The following SCNN1B variants were observed in gnomAD, a reference collection of about 807,000 sequenced individuals.
The protein encoded by SCNN1B is sodium channel epithelial 1 subunit beta, also known as epithelial sodium channel subunit beta.
A neutral mutation model predicts 65.3 loss-of-function variants in SCNN1B; 46 were observed. That is an observed-to-expected ratio of 0.70 (90% CI 0.56 to 0.90). The LOEUF is 0.90. SCNN1B is among the 40% of genes least tolerant of loss of function. The probability of loss-of-function intolerance (pLI) is 0.00; values close to 1 mark genes in which losing one functional copy is unlikely to be tolerated. For missense variants in SCNN1B, 751 were observed against 830.5 expected (o/e 0.90, Z 1.18); for synonymous variants, 349 against 330.6 (o/e 1.06, Z -0.60).
At chr16:23,324,225 T>C (rs1394901573) in intron 1 of SCNN1B, among the ~76,000 whole-genome samples, 1 of 151,448 alleles carries the variant, frequency 6.6e-6, no homozygotes, top group South Asian at 2.1e-4. Context: ...TCTTGCTCTG[T>C]TGTCCAGGGT....
chr16:23,343,445 T>G, intron 1 of SCNN1B, among the ~76,000 whole-genome samples: 1 of 119,152 alleles, frequency 8.4e-6, no homozygotes, highest in African/African-American at 4.1e-5. Context: ...AGAGCAAAAG[T>G]TTGCCAAAAA....
chr16:23,333,991 G>A (rs985389719), intron 1 of SCNN1B, among the ~76,000 whole-genome samples: 10 of 152,006 alleles, frequency 6.6e-5, no homozygotes, highest in African/African-American at 1.9e-4. Context: ...GGTCCTTAAC[G>A]CCCAGATGTG....
chr16:23,287,476 C>T (rs1960866498), intron 2 of SCNN1B, among the ~76,000 whole-genome samples: 1 of 151,952 alleles, frequency 6.6e-6, no homozygotes, highest in African/African-American at 2.4e-5. Flanking sequence ...CTTTGGGAGG[C>T]TGAGGTGGGG....
At position 23,365,796 on chromosome 16, in the gene SCNN1B, C is replaced by T. The variant is rs1243110125; in HGVS notation, c.777-2060C>T. On this transcript the variant is annotated intron_variant, in intron 4 of 12. Coordinates refer to ENST00000343070, the MANE Select transcript of SCNN1B (RefSeq NM_000336.3). ...GGAAAAATGTGGTTTCTTCCTGCTT[C>T]CCCTTGCACCGTTGAGGAAACCCAA... is the stretch of plus-strand genomic sequence containing the variant. 5.9e-5 allele frequency among the ~76,000 whole-genome samples: 9 copies of T among 152,190 alleles called. No homozygotes were observed. The South Asian group carries it at 1.2e-3, about 21-fold the overall frequency.
intron 1 of SCNN1B, among the ~76,000 whole-genome samples, chr16:23,316,319 A>G (rs931203892): frequency 1.3e-5 from 2 of 149,770 alleles, no homozygotes; most frequent in Non-Finnish European, 1.5e-5. Context: ...CATCATCACC[A>G]TCATGATCAC....
chr16:23,321,623 C>T (rs1961589264), intron 1 of SCNN1B, among the ~76,000 whole-genome samples: 1 of 152,126 alleles, frequency 6.6e-6, no homozygotes. Flanking sequence ...GGCAATGACC[C>T]CCCGGAGCAT....
intron 1 of SCNN1B, among the ~76,000 whole-genome samples, chr16:23,306,699 A>G (rs1174445694): frequency 6.6e-6 from 1 of 152,208 alleles, no homozygotes; most frequent in Non-Finnish European, 1.5e-5. Flanking sequence ...GTTCTTCTGG[A>G]GCAGTGGAGT....
chr16:23,355,588 C>A, intron 4 of SCNN1B, 99 bp downstream of exon 4: 1 of 1,224,094 alleles, frequency 8.2e-7, no homozygotes. Context: ...CAATCCTGCC[C>A]AGCCACTTAC....
chr16:23,311,568 C>T (rs1961344354), intron 1 of SCNN1B, among the ~76,000 whole-genome samples: 1 of 152,210 alleles, frequency 6.6e-6, no homozygotes, highest in African/African-American at 2.4e-5. Context: ...AACACTACCA[C>T]CATCCCACCT....
rs61729788 is a variant in SCNN1B, at chr16:23,375,747, C to G, written c.1162C>G (p.Arg388Gly). ...NTTYSIQACL[R>G]SCFQDHMIRN... Reference sequence around the variant, plus strand: ...CCCCTACCCTCCCCAGGCCTGTCTTCGCTCCTGCTTCCAAGACCACATGAT... The same window carrying G: ...CCCCTACCCTCCCCAGGCCTGTCTTGGCTCCTGCTTCCAAGACCACATGAT... Residue 388 changes from arginine to glycine, a missense_variant, in exon 8 of 13, where the codon CGC becomes GGC. Coordinates refer to ENST00000343070, the MANE Select transcript of SCNN1B (RefSeq NM_000336.3). 1.2e-6 allele frequency: 2 copies of G among 1,613,288 alleles called. No homozygotes were observed. Among genetic ancestry groups the G allele is most frequent in the African/African-American group, 2.7e-5 (2 of 74,880 alleles).
At chr16:23,355,569 C>G in intron 4 of SCNN1B, 80 bp downstream of exon 4, 1 of 1,436,916 alleles carries the variant, frequency 7.0e-7, no homozygotes, top group Non-Finnish European at 9.7e-7. Context: ...GCACAGCCTG[C>G]CAGGGTTCCA....
intron 2 of SCNN1B, among the ~76,000 whole-genome samples, chr16:23,297,004 A>G (rs1489335622): frequency 6.7e-6 from 1 of 149,582 alleles, no homozygotes; most frequent in Non-Finnish European, 1.5e-5. Context: ...AAAAAAAAAA[A>G]AAAGAGAGAG....
At chr16:23,372,207 T>C (rs1188219696) in intron 7 of SCNN1B, 1 of 434,034 alleles carries the variant, frequency 2.3e-6, no homozygotes, top group East Asian at 4.7e-5. Flanking sequence ...GTGTGTGAAA[T>C]GCTGTGCGAA....
At chr16:23,284,333 AGGAGGAGATTGCAGTGAGCGGAGACAG>A (rs1420062793) in intron 2 of SCNN1B, among the ~76,000 whole-genome samples, 1 of 152,158 alleles carries the variant, frequency 6.6e-6, no homozygotes, top group Non-Finnish European at 1.5e-5. Context: ...TGAACCCAGG[AGGAGGAGATTGCAGTGAGCGGAGACAG>A]TGCCACTGCA....
At chr16:23,355,543 C>T in intron 4 of SCNN1B, 54 bp downstream of exon 4, 1 of 1,576,622 alleles carries the variant, frequency 6.3e-7, no homozygotes, top group Non-Finnish European at 8.7e-7. Context: ...GAGACAGTGG[C>T]ATGTTACGGT....
intron 1 of SCNN1B, among the ~76,000 whole-genome samples, chr16:23,326,608 G>A (rs142222174): frequency 6.6e-6 from 1 of 152,062 alleles, no homozygotes; most frequent in African/African-American, 2.4e-5. Flanking sequence ...GGGATTATAG[G>A]TGTGCGCCAC....
intron 11 of SCNN1B, 30 bp downstream of exon 11, chr16:23,378,797 A>G: frequency 6.2e-7 from 1 of 1,608,794 alleles, no homozygotes; most frequent in Non-Finnish European, 8.5e-7. Context: ...GGGCTGGGGA[A>G]GACAGGGAAG....
At chr16:23,379,956 G>C in intron 11 of SCNN1B, 138 bp from the exon 12 acceptor site, 1 of 754,994 alleles carries the variant, frequency 1.3e-6, no homozygotes, top group Non-Finnish European at 2.4e-6. Context: ...GTGTGCACGG[G>C]TGTGTGGGTA....
At chr16:23,356,733 A>T (rs1962429354) in intron 4 of SCNN1B, among the ~76,000 whole-genome samples, 1 of 152,186 alleles carries the variant, frequency 6.6e-6, no homozygotes, top group African/African-American at 2.4e-5. Flanking sequence ...GAATGAGGGT[A>T]ATGGTAACCC....
Sources: gnomAD v4.1 joint callset for allele counts (sites outside exome capture counted in the v4.1 genomes callset) on GRCh38, gnomAD v4.1.1 for gene constraint, MANE v1.5 for transcripts, NCBI Gene and HGNC (gene_info 2026-07-23, HGNC 2026-07-21) for gene names.